The following GPR15LG variants were observed in gnomAD, a reference collection of about 807,000 sequenced individuals.
GPR15LG encodes protein GPR15LG.
chr10:84,185,100 G>A, the GPR15LG span: 1 of 1,143,274 alleles, frequency 8.7e-7, no homozygotes, highest in Non-Finnish European at 1.1e-6. Context: ...AGTGCAGGGT[G>A]GCAAGCACCC....
the GPR15LG span, chr10:84,184,706 A>G: frequency 1.9e-6 from 3 of 1,613,858 alleles, no homozygotes; most frequent in African/African-American, 2.7e-5. Flanking sequence ...TCTGTAAACC[A>G]TGCAAGCTTG....
the GPR15LG span, chr10:84,176,648 C>T: frequency 2.0e-6 from 2 of 979,936 alleles, no homozygotes; most frequent in South Asian, 2.9e-5. Context: ...CACTGATCAG[C>T]CCCCACCCAT....
chr10:84,184,606 C>G, the GPR15LG span: 6 of 1,419,482 alleles, frequency 4.2e-6, no homozygotes, highest in South Asian at 1.2e-5. Context: ...GTTTTCCTCT[C>G]TCTCCCCACA....
At chr10:84,184,922 A>T in the GPR15LG span, 7 of 1,476,126 alleles carry the variant, frequency 4.7e-6, no homozygotes, top group South Asian at 9.2e-5. Context: ...AAGTTCCAGA[A>T]CTCCACGTCC....
the GPR15LG span, chr10:84,176,353 T>A: frequency 1.4e-6 from 1 of 731,390 alleles, no homozygotes; most frequent in Non-Finnish European, 2.5e-6. Flanking sequence ...CCCTAGGACC[T>A]CTCGTAGCCT....
the GPR15LG span, among the ~76,000 whole-genome samples, chr10:84,176,800 T>C: frequency 6.6e-6 from 1 of 152,224 alleles, no homozygotes; most frequent in Non-Finnish European, 1.5e-5. Flanking sequence ...TTAGAAGATG[T>C]TGTGTGGAAA....
At chr10:84,176,952 G>C in the GPR15LG span, among the ~76,000 whole-genome samples, 2 of 152,126 alleles carry the variant, frequency 1.3e-5, no homozygotes, top group African/African-American at 2.4e-5. Flanking sequence ...CAAGAGTGGG[G>C]TATGGAAGAC....
At chr10:84,176,812 A>C in the GPR15LG span, among the ~76,000 whole-genome samples, 1 of 152,204 alleles carries the variant, frequency 6.6e-6, no homozygotes, top group Non-Finnish European at 1.5e-5. Context: ...GTGTGGAAAC[A>C]CACTTACTTT....
chr10:84,178,671 G>T, the GPR15LG span, among the ~76,000 whole-genome samples: 1 of 152,134 alleles, frequency 6.6e-6, no homozygotes. Context: ...AGCACACACA[G>T]TGCATAGGAG....
At chr10:84,173,810 G>A in the GPR15LG span, 27 of 1,453,170 alleles carry the variant, frequency 1.9e-5, no homozygotes, top group African/African-American at 3.1e-4. Context: ...GACTTCTGCA[G>A]CACAGCTCCC....
chr10:84,183,061 C>T, the GPR15LG span, among the ~76,000 whole-genome samples: 1 of 151,702 alleles, frequency 6.6e-6, no homozygotes, highest in South Asian at 2.1e-4. Flanking sequence ...AATATTATCA[C>T]TTATTTGTGG....
chr10:84,176,613 C>T, the GPR15LG span: 2 of 1,443,310 alleles, frequency 1.4e-6, no homozygotes, highest in Middle Eastern at 1.7e-4. Flanking sequence ...AGAAGTTCTA[C>T]AGTGGCCATG....
the GPR15LG span, among the ~76,000 whole-genome samples, chr10:84,178,618 A>G: frequency 6.6e-6 from 1 of 151,942 alleles, no homozygotes; most frequent in Non-Finnish European, 1.5e-5. Flanking sequence ...TGCTACACAC[A>G]GCACACACAC....
the GPR15LG span, chr10:84,173,968 C>A: frequency 7.2e-7 from 1 of 1,396,106 alleles, no homozygotes; most frequent in Non-Finnish European, 1.0e-6. Context: ...ATTTCAGCAT[C>A]TGGGAAGACT....
At chr10:84,176,552 A>T in the GPR15LG span, 2 of 1,613,540 alleles carry the variant, frequency 1.2e-6, no homozygotes, top group Admixed American at 1.7e-5. Flanking sequence ...CCTAGCCCCA[A>T]CTCAACAAAC....
chr10:84,178,062 GACAC>G, the GPR15LG span, among the ~76,000 whole-genome samples: 2 of 150,086 alleles, frequency 1.3e-5, no homozygotes, highest in African/African-American at 2.5e-5. Context: ...ACACACTACA[GACAC>G]ACAGACACAT....
At chr10:84,176,370 T>A in the GPR15LG span, 1 of 797,224 alleles carries the variant, frequency 1.3e-6, no homozygotes, top group Non-Finnish European at 2.2e-6. Flanking sequence ...GCCTGGCTCA[T>A]CCTGAGTTTC....
chr10:84,184,648 T>C, the GPR15LG span: 6 of 1,612,054 alleles, frequency 3.7e-6, no homozygotes, highest in African/African-American at 1.3e-5. Flanking sequence ...CTTCCTGTCC[T>C]TGTCCCTCTT....
At chr10:84,174,537 A>G in the GPR15LG span, among the ~76,000 whole-genome samples, 6 of 124,938 alleles carry the variant, frequency 4.8e-5, no homozygotes, top group Non-Finnish European at 9.4e-5. Context: ...TCTGTCACCC[A>G]GGCTGGAGTG....
Sources: allele counts gnomAD v4.1 joint callset (sites outside exome capture counted in the v4.1 genomes callset), GRCh38; gene constraint gnomAD v4.1.1; transcripts MANE v1.5; gene names NCBI Gene and HGNC (gene_info 2026-07-23, HGNC 2026-07-21).